MSI2: variants seen among roughly 807,000 people sequenced by gnomAD.
MSI2 encodes the protein musashi RNA binding protein 2.
MSI2 carries 17 observed loss-of-function variants against 45.6 expected under a neutral mutation model. The observed-to-expected ratio is 0.37, with a 90% confidence interval of 0.26 to 0.56. The LOEUF is 0.56. Among genes scored for constraint, MSI2 ranks in the 20% least tolerant of loss-of-function variants. The pLI is 0.77. For synonymous variants in MSI2, 156 were observed against 158.2 expected (o/e 0.99, Z 0.11); for missense variants, 293 against 444.2 (o/e 0.66, Z 3.06).
chr17:57,581,170 G>A (rs1293131747), intron 7 of MSI2, among the ~76,000 whole-genome samples: 5 of 151,786 alleles, frequency 3.3e-5, no homozygotes, highest in South Asian at 2.1e-4. Context: ...GTGCCACCAC[G>A]CCTGGCTAAT....
intron 7 of MSI2, among the ~76,000 whole-genome samples, chr17:57,564,992 A>G (rs2087693254): frequency 2.0e-5 from 3 of 152,224 alleles, no homozygotes. Context: ...ACAGTGCTAG[A>G]TGCTGTCCTG....
In MSI2 at chr17:57,681,392, T is replaced by C. The variant is rs1322394403; in HGVS notation, c.*1875T>C. ...CGTTTTATTAATATTTTTTAAATTG[T>C]TACGTTTATAAATTTGGTACTTAAG... On this transcript the variant is annotated 3_prime_UTR_variant, in exon 14 of 14. Coordinates refer to ENST00000284073, the MANE Select transcript of MSI2 (RefSeq NM_138962.4). The C allele has an allele frequency of 2.2e-5, 4 of 179,390 alleles. No individual in the cohort carries two copies. Among genetic ancestry groups the C allele is most frequent in the Non-Finnish European group, 4.8e-5 (4 of 83,756 alleles). 11.1% of individuals were successfully genotyped at this position (179,390 alleles called of 1,614,324 possible).
At chr17:57,426,004 T>A (rs1026489102) in intron 6 of MSI2, among the ~76,000 whole-genome samples, 7 of 152,232 alleles carry the variant, frequency 4.6e-5, no homozygotes, top group African/African-American at 1.7e-4. Flanking sequence ...GAATCTGTTA[T>A]ACCTTGACTT....
intron 5 of MSI2, among the ~76,000 whole-genome samples, chr17:57,303,301 T>C (rs1598094384): frequency 1.3e-5 from 2 of 152,352 alleles, no homozygotes; most frequent in African/African-American, 4.8e-5. Flanking sequence ...AAAAAAGTTA[T>C]GTTACGAAAG....
intron 6 of MSI2, among the ~76,000 whole-genome samples, chr17:57,418,333 T>C (rs551957366): frequency 6.6e-6 from 1 of 152,382 alleles, no homozygotes; most frequent in Non-Finnish European, 1.5e-5. Flanking sequence ...GGCATGGCTA[T>C]GCTCATTTGA....
At chr17:57,423,720 A>T (rs914048519) in intron 6 of MSI2, among the ~76,000 whole-genome samples, 1 of 151,912 alleles carries the variant, frequency 6.6e-6, no homozygotes, top group Non-Finnish European at 1.5e-5. Flanking sequence ...CAAATATAAA[A>T]TTTTTCATAC....
intron 9 of MSI2, among the ~76,000 whole-genome samples, chr17:57,619,346 G>C (rs375714430): frequency 6.6e-6 from 1 of 152,310 alleles, no homozygotes; most frequent in African/African-American, 2.4e-5. Flanking sequence ...CCTGCCCTCC[G>C]CGAGCTTGTG....
chr17:57,258,662 A>C (rs1907038941), intron 4 of MSI2, among the ~76,000 whole-genome samples: 1 of 152,156 alleles, frequency 6.6e-6, no homozygotes, highest in Non-Finnish European at 1.5e-5. Context: ...GAGCAAATGC[A>C]ACTTTTCTTT....
downstream of MSI2, among the ~76,000 whole-genome samples, chr17:57,688,342 T>C (rs1011534392): frequency 3.3e-5 from 5 of 152,024 alleles, no homozygotes; most frequent in Non-Finnish European, 2.9e-5. Context: ...GTAAGATAAA[T>C]ATACAAAAAC....
At chr17:57,303,604 T>A (rs75723430) in intron 5 of MSI2, among the ~76,000 whole-genome samples, 5,478 of 152,302 alleles carry the variant, frequency 0.036, 179 homozygotes, top group East Asian at 0.18. Flanking sequence ...TTATTATTAT[T>A]GTACAGGAAA....
chr17:57,327,397 C>T (rs1309937537), intron 5 of MSI2, among the ~76,000 whole-genome samples: 3 of 152,224 alleles, frequency 2.0e-5, no homozygotes, highest in African/African-American at 7.2e-5. Flanking sequence ...TGCCTTTTCT[C>T]TTGCTTCAGC....
In MSI2 at chr17:57,635,756, G is replaced by T. The variant is rs1233932982; in HGVS notation, c.727+8453G>T. ...CTACCTCTTCAGCAACGGAAAACAG[G>T]TTTGCTCTCGGGTCCTGATGCTGAC... On this transcript the variant is annotated intron_variant, in intron 10 of 13. Transcript: ENST00000284073. Among the ~76,000 whole-genome samples, 4 of 152,246 alleles carry T rather than the reference G, an allele frequency of 2.6e-5. No homozygotes were observed. The East Asian group carries it at 5.8e-4, about 22-fold the overall frequency.
intron 5 of MSI2, among the ~76,000 whole-genome samples, chr17:57,328,263 TATCCATCC>T (rs3058093): frequency 6.6e-6 from 1 of 150,694 alleles, no homozygotes; most frequent in Non-Finnish European, 1.5e-5. Flanking sequence ...TGTATTCATC[TATCCATCC>T]ATCCATCCAT....
At chr17:57,478,871 C>T (rs2085593226) in intron 6 of MSI2, among the ~76,000 whole-genome samples, 2 of 152,174 alleles carry the variant, frequency 1.3e-5, no homozygotes, top group South Asian at 2.1e-4. Context: ...GTGAGAGAGT[C>T]GCTACTTTGT....
At chr17:57,567,955 C>A (rs1465888661) in intron 7 of MSI2, among the ~76,000 whole-genome samples, 1 of 152,212 alleles carries the variant, frequency 6.6e-6, no homozygotes, top group Non-Finnish European at 1.5e-5. Context: ...GTATTACTGT[C>A]TCCATTTGAT....
intron 6 of MSI2, among the ~76,000 whole-genome samples, chr17:57,515,909 C>T (rs2086460673): frequency 6.6e-6 from 1 of 151,728 alleles, no homozygotes; most frequent in Admixed American, 6.6e-5. Context: ...TATTATTATA[C>T]ATTTTTATTT....
chr17:57,627,494 A>G lies in MSI2; in HGVS notation c.727+191A>G, dbSNP rs1908917515. ...CTCAGAGTTTTTGATTAACTCAGGT[A>G]TAACTCACTGGTGCCGGGTATTTGA... is the stretch of plus-strand genomic sequence containing the variant. On this transcript the variant is annotated intron_variant, in intron 10 of 13. Coordinates refer to ENST00000284073, the MANE Select transcript of MSI2 (RefSeq NM_138962.4). This position sits in a 1 kb window ranked among gnomAD's most constrained non-coding sequence, Gnocchi z 4.6. 2 of 614,840 alleles carry G rather than the reference A, an allele frequency of 3.3e-6. No homozygotes were observed. The highest frequency in any genetic ancestry group is 1.8e-5 in the African/African-American group (1 of 54,176). 38.1% of individuals were successfully genotyped at this position (614,840 alleles called of 1,614,324 possible). A position where few individuals can be genotyped will look rare whatever the true frequency, so the allele number is the denominator to read the frequency against.
chr17:57,398,418 A>G (rs1397204543), intron 5 of MSI2, among the ~76,000 whole-genome samples: 1 of 152,224 alleles, frequency 6.6e-6, no homozygotes, highest in Non-Finnish European at 1.5e-5. Context: ...GGTAAGGGAA[A>G]AAAAGGAATG....
intron 5 of MSI2, among the ~76,000 whole-genome samples, chr17:57,299,341 A>G (rs1458201380): frequency 6.6e-6 from 1 of 152,244 alleles, no homozygotes. Flanking sequence ...GTATGGTGTA[A>G]GAGGCCTGGC....
Sources: gnomAD v4.1 joint callset for allele counts (sites outside exome capture counted in the v4.1 genomes callset) on GRCh38, gnomAD v4.1.1 for gene constraint, Gnocchi (gnomAD v3.1) non-coding constraint, MANE v1.5 for transcripts, NCBI Gene and HGNC (gene_info 2026-07-23, HGNC 2026-07-21) for gene names.